Variants in NOL11 observed in about 807,000 individuals in gnomAD.
NOL11 encodes the protein nucleolar protein 11.
NOL11 carries 42 observed loss-of-function variants against 93.0 expected under a neutral mutation model. The observed-to-expected ratio is 0.45, with a 90% confidence interval of 0.35 to 0.58. The LOEUF (loss-of-function observed/expected upper bound fraction) is 0.58. NOL11 is among the 20% of genes least tolerant of loss of function. NOL11 has a pLI of 0.00. For synonymous variants in NOL11, 296 were observed against 293.7 expected (o/e 1.01, Z -0.08); for missense variants, 775 against 841.8 (o/e 0.92, Z 0.98).
intron 6 of NOL11, among the ~76,000 whole-genome samples, chr17:67,724,624 G>A (rs925520036): frequency 3.9e-5 from 6 of 152,150 alleles, no homozygotes; most frequent in African/African-American, 1.2e-4. Flanking sequence ...GAGTCACCTC[G>A]TGCGGCCCAT....
chr17:67,722,427 G>C (rs1358026093), intron 4 of NOL11, among the ~76,000 whole-genome samples, 153 bp from the exon 5 acceptor site: 1 of 152,098 alleles, frequency 6.6e-6, no homozygotes, highest in East Asian at 1.9e-4. Context: ...ATTGCTTGTG[G>C]TATATGTTTC....
Position 67,722,486 on chromosome 17 carries a change from A to G in NOL11, c.462-94A>G, listed in dbSNP as rs562632300. On this transcript the variant is annotated intron_variant, in intron 4 of 17. Transcript: ENST00000253247. The stretch of plus-strand genomic sequence containing the variant: ...TGATGTCTTTCTGGTTCTAAAAAAT[A>G]TTTAATGAAAACTTTGATTAAATTT... The G allele has an allele frequency of 1.2e-4, 182 of 1,472,560 alleles. 2 individuals are homozygous for G. The Admixed American group carries it at 1.9e-3, about 15-fold the overall frequency. 91.2% of individuals were successfully genotyped at this position (1,472,560 alleles called of 1,614,324 possible). A position where few individuals can be genotyped will look rare whatever the true frequency, so the allele number is the denominator to read the frequency against.
chr17:67,734,555 C>A, intron 8 of NOL11, 116 bp downstream of exon 8: 2 of 640,296 alleles, frequency 3.1e-6, no homozygotes, highest in Non-Finnish European at 5.6e-6. Context: ...TACTCTTGGG[C>A]TCAAGTGATC....
chr17:67,743,138 G>C (rs1246583908), intron 16 of NOL11, among the ~76,000 whole-genome samples: 1 of 152,104 alleles, frequency 6.6e-6, no homozygotes, highest in Non-Finnish European at 1.5e-5. Context: ...AACTCTGGAT[G>C]ATTGCAGCTA....
Position 67,743,956 on chromosome 17 carries a change from A to C in NOL11, c.*97A>C. ...ACGGTGTTTTGTTTGCGACCATCTC[A>C]GTGTCAAGAGAAACGTGTCAGTGAG... On this transcript the variant is annotated 3_prime_UTR_variant, in exon 18 of 18. Coordinates refer to ENST00000253247, the MANE Select transcript of NOL11 (RefSeq NM_015462.5). 1.5e-6 allele frequency: 1 copy of C among 648,384 alleles called. No individual in the cohort carries two copies. Among genetic ancestry groups the C allele is most frequent in the Non-Finnish European group, 2.7e-6 (1 of 375,628 alleles). The allele number at this position is 648,384 out of a possible 1,614,324, so 40.2% of individuals were successfully genotyped here. A position where few individuals can be genotyped will look rare whatever the true frequency, so the allele number is the denominator to read the frequency against.
intron 3 of NOL11, 151 bp downstream of exon 3, chr17:67,720,113 C>A: frequency 1.5e-6 from 1 of 649,986 alleles, no homozygotes; most frequent in Non-Finnish European, 2.4e-6. Flanking sequence ...TACAATGTAT[C>A]TTGGTAACAT....
At position 67,737,115 on chromosome 17, in the gene NOL11, A is replaced by G. The variant is rs1300978603; in HGVS notation, c.1188A>G (p.Pro396=). The G allele has an allele frequency of 1.2e-6, 2 of 1,611,058 alleles. No individual in the cohort carries two copies. Among genetic ancestry groups the G allele is most frequent in the Non-Finnish European group, 1.7e-6 (2 of 1,177,486 alleles). Residue 396 remains proline, a synonymous_variant, in exon 11 of 18, where the codon CCA becomes CCG. Transcript: ENST00000253247. ...AAGTGAGTTTACAGCCAGAGGTTCC[A>G]CCATCCAAACAACTTTTGTCAACCA... The part of the protein sequence containing the change: ...KIEVSLQPEV[P]PSKQLLSTIM...
chr17:67,726,768 A>G, intron 7 of NOL11, 120 bp downstream of exon 7: 2 of 732,564 alleles, frequency 2.7e-6, no homozygotes, highest in Non-Finnish European at 2.0e-6. Flanking sequence ...CTTTATCAGC[A>G]TACTCAATTT....
intron 11 of NOL11, 102 bp from the exon 12 acceptor site, chr17:67,737,406 A>T: frequency 1.0e-6 from 1 of 990,856 alleles, no homozygotes; most frequent in Non-Finnish European, 1.5e-6. Flanking sequence ...GGAATGCATG[A>T]TAACTGTTAG....
chr17:67,724,145 A>G lies in NOL11; in HGVS notation c.616A>G (p.Ser206Gly). The change falls in exon 6 of 18, where the codon AGT becomes GGT. Residue 206 changes from serine (S) to glycine (G), a missense_variant. By Grantham distance (56) the Ser-to-Gly change is moderately conservative. Coordinates refer to ENST00000253247, the MANE Select transcript of NOL11 (RefSeq NM_015462.5). ...ACAAGACGAAAACTCTGTTATAAAG[A>G]GTTTTACTGCATCTGTAGATCGGAA... ...LGQDENSVIK[S>G]FTASVDRKFI... The G allele has an allele frequency of 6.3e-7, 1 of 1,590,106 alleles. No individual in the cohort carries two copies. Among genetic ancestry groups the G allele is most frequent in the Non-Finnish European group, 8.6e-7 (1 of 1,169,138 alleles).
chr17:67,734,056 G>T (rs1178135876), intron 7 of NOL11, among the ~76,000 whole-genome samples: 1 of 152,096 alleles, frequency 6.6e-6, no homozygotes, highest in Admixed American at 6.6e-5. Context: ...AGTTTGGGAA[G>T]ATTTGTGTTA....
intron 4 of NOL11, among the ~76,000 whole-genome samples, chr17:67,722,264 G>A (rs111383640): frequency 1.9e-3 from 290 of 152,278 alleles, no homozygotes; most frequent in African/African-American, 6.6e-3. Context: ...CAGAACACGA[G>A]TCCCAAAAGT....
chr17:67,743,004 G>A (rs1168810584), intron 16 of NOL11, among the ~76,000 whole-genome samples: 3 of 152,210 alleles, frequency 2.0e-5, no homozygotes, highest in Non-Finnish European at 2.9e-5. Context: ...CACTTTGGGA[G>A]GCTGAGGTTG....
intron 1 of NOL11, chr17:67,719,187 T>G (rs1453901959): frequency 1.3e-5 from 2 of 151,838 alleles, no homozygotes; most frequent in Non-Finnish European, 2.9e-5. Flanking sequence ...TCACTTGAGG[T>G]CAGGAGTTCG....
At chr17:67,725,215 C>T (rs1475917468) in intron 6 of NOL11, among the ~76,000 whole-genome samples, 1 of 152,104 alleles carries the variant, frequency 6.6e-6, no homozygotes, top group Admixed American at 6.5e-5. Flanking sequence ...TGAATGGCCC[C>T]TCTGCTCCTT....
intron 17 of NOL11, 47 bp from the exon 18 acceptor site, chr17:67,743,696 C>CATTTGTAGACATTTGTACCA (rs1179772177): frequency 8.1e-7 from 1 of 1,235,002 alleles, no homozygotes; most frequent in African/African-American, 1.5e-5. Context: ...AGATTTGTTT[C>CATTTGTAGACATTTGTACCA]TATGTAGACA....
At chr17:67,730,409 T>A (rs1009729589) in intron 7 of NOL11, among the ~76,000 whole-genome samples, 1 of 152,050 alleles carries the variant, frequency 6.6e-6, no homozygotes, top group Admixed American at 6.6e-5. Context: ...TACAGGTGGG[T>A]GCCACCACAC....
chr17:67,735,668 T>G (rs1028312920), intron 8 of NOL11, among the ~76,000 whole-genome samples: 2 of 152,190 alleles, frequency 1.3e-5, no homozygotes, highest in African/African-American at 4.8e-5. Context: ...AAAATGTATA[T>G]GTTGATTAAA....
chr17:67,726,521 T>C lies in NOL11; in HGVS notation c.726T>C (p.Asn242=). The C allele has an allele frequency of 6.2e-7, 1 of 1,614,068 alleles. No homozygotes were observed. Among genetic ancestry groups the C allele is most frequent in the Non-Finnish European group, 8.5e-7 (1 of 1,180,006 alleles). The change falls in exon 7 of 18, where the codon AAT becomes AAC. Residue 242 remains asparagine, a synonymous_variant. Transcript: ENST00000253247. ...IPIRPADPEK[N]QSLVKSLLLK... Reference sequence around the variant, plus strand: ...TACGTCCAGCTGACCCAGAAAAAAATCAGAGCTTAGTTAAATCACTGCTGC... The same window carrying C: ...TACGTCCAGCTGACCCAGAAAAAAACCAGAGCTTAGTTAAATCACTGCTGC...
Sources: gnomAD v4.1 joint callset for allele counts (sites outside exome capture counted in the v4.1 genomes callset) on GRCh38, gnomAD v4.1.1 for gene constraint, MANE v1.5 for transcripts, NCBI Gene and HGNC (gene_info 2026-07-23, HGNC 2026-07-21) for gene names.